CCN6: variants seen among roughly 807,000 people sequenced by gnomAD.
The protein encoded by CCN6 is CCN family member 6.
CCN6 carries 31 observed loss-of-function variants against 37.4 expected under a neutral mutation model. The ratio of observed to expected loss-of-function variants is 0.83; its 90% CI spans 0.62 to 1.12. CCN6 has a LOEUF of 1.12. Ranked by LOEUF, CCN6 falls within the 50% of genes most tolerant of loss-of-function variation. The pLI is 0.00. For synonymous variants in CCN6, 137 were observed against 142.1 expected (o/e 0.96, Z 0.26); for missense variants, 369 against 413.8 (o/e 0.89, Z 0.94).
chr6:112,068,350 A>G lies in CCN6; in HGVS notation c.735A>G (p.Arg245=), dbSNP rs1776762460. Residue 245 remains arginine, a synonymous_variant, in exon 4 of 5, where the codon AGA becomes AGG. Transcript: ENST00000368666. ...ACTGTGAAATGAGAAAAGAGAAAAG[A>G]CTGTGTTACATTCAGCCTTGCGACA... ...NSNCEMRKEK[R]LCYIQPCDSN... 1 of 1,613,132 alleles carries G rather than the reference A, an allele frequency of 6.2e-7. No individual in the cohort carries two copies. Among genetic ancestry groups the G allele is most frequent in the African/African-American group, 1.3e-5 (1 of 74,890 alleles).
In CCN6 at chr6:112,069,330, T is replaced by C. The variant is rs782261016; in HGVS notation, c.784-9T>C. ...TTAAAGAATGACTTCATTTTATCTA[T>C]CTTTTCAGATTCCCAAAGGAAAAAC... On this transcript the variant is annotated splice_polypyrimidine_tract_variant and intron_variant, in intron 4 of 4. Coordinates refer to ENST00000368666, the MANE Select transcript of CCN6 (RefSeq NM_198239.2). The C allele has an allele frequency of 3.7e-6, 6 of 1,612,254 alleles. No homozygotes were observed. The Middle Eastern group carries it at 5.0e-4, about 133-fold the overall frequency.
chr6:112,061,244 A>T lies in CCN6; in HGVS notation c.302A>T (p.Asp101Val). ...GACCCACACAAAGGGCTGTATTGTG[A>T]CTACTCAGTAGACAGGCCTAGGTAC... ...LCDPHKGLYC[D>V]YSVDRPRYET... is the part of the protein sequence containing the mutation. The change falls in exon 2 of 5, where the codon GAC (aspartate) becomes GTC (valine). Residue 101 changes from aspartate to valine, a missense_variant. By Grantham distance (152) the Asp-to-Val change is radical. Coordinates refer to ENST00000368666, the MANE Select transcript of CCN6 (RefSeq NM_198239.2). 2.5e-6 allele frequency: 4 copies of T among 1,614,214 alleles called. No homozygotes were observed. The highest frequency in any genetic ancestry group is 3.4e-6 in the Non-Finnish European group (4 of 1,180,046).
At chr6:112,054,798 C>A in intron 1 of CCN6, 1 of 217,256 alleles carries the variant, frequency 4.6e-6, no homozygotes, top group East Asian at 1.1e-4. Context: ...GCAAAGAGCC[C>A]CTGGAAAAAC....
rs3806964 is a variant in CCN6, at chr6:112,054,104, A to G, written c.-254A>G. On this transcript the variant is annotated 5_prime_UTR_variant, in exon 1 of 5. Coordinates refer to ENST00000368666, the MANE Select transcript of CCN6 (RefSeq NM_198239.2). ...AGTCCCGGGAGGAAAGTGCTCGCCC[A>G]TTCCTGACCTGTGACACGCTCACTG... The G allele has an allele frequency of 0.25, 161,970 of 648,812 alleles. 21,179 individuals are homozygous for G. The highest frequency in any genetic ancestry group is 0.31 in the East Asian group (11,009 of 35,872). The allele number at this position is 648,812 out of a possible 1,614,324, so 40.2% of individuals were successfully genotyped here.
In CCN6 at chr6:112,068,256, C is replaced by T; in HGVS notation, c.641C>T (p.Thr214Ile). ...IWKKKCLVQA[T>I]KWTPCSRTCG... ...AAAAAAAAATGTCTTGTGCAAGCAA[C>T]AAAATGGACTCCCTGCTCCAGAACA... Residue 214 changes from threonine to isoleucine, a missense_variant, in exon 4 of 5, where the codon ACA (threonine) becomes ATA (isoleucine). Coordinates refer to ENST00000368666, the MANE Select transcript of CCN6 (RefSeq NM_198239.2). The T allele has an allele frequency of 6.2e-7, 1 of 1,610,336 alleles. No homozygotes were observed. Among genetic ancestry groups the T allele is most frequent in the Non-Finnish European group, 8.5e-7 (1 of 1,178,882 alleles).
intron 3 of CCN6, among the ~76,000 whole-genome samples, chr6:112,067,420 T>C (rs587749570): frequency 9.2e-5 from 14 of 152,252 alleles, no homozygotes; most frequent in African/African-American, 3.4e-4. Flanking sequence ...GGAGCATTAT[T>C]AGACCCTCTT....
intron 3 of CCN6, among the ~76,000 whole-genome samples, chr6:112,066,381 A>G (rs1349806797): frequency 6.6e-6 from 1 of 152,154 alleles, no homozygotes. Flanking sequence ...ACCTTAGAGC[A>G]GTTTTCCACA....
At chr6:112,064,036 A>G (rs1554313375) in intron 2 of CCN6, among the ~76,000 whole-genome samples, 1 of 152,178 alleles carries the variant, frequency 6.6e-6, no homozygotes, top group South Asian at 2.1e-4. Flanking sequence ...TTTAAAGTAT[A>G]AGTACCTGGC....
chr6:112,052,913 C>G (rs1776250399), upstream of CCN6, among the ~76,000 whole-genome samples: 1 of 152,188 alleles, frequency 6.6e-6, no homozygotes, highest in Non-Finnish European at 1.5e-5. Context: ...TGGAGGACAG[C>G]CTCGTTTTTC....
In CCN6 at chr6:112,054,263, G is replaced by A; in HGVS notation, c.-95G>A. On this transcript the variant is annotated 5_prime_UTR_variant, in exon 1 of 5. Coordinates refer to ENST00000368666, the MANE Select transcript of CCN6 (RefSeq NM_198239.2). ...TGTGTTCTTGTGCAGAGGAGCGTGG[G>A]GTTTGCAGAGGAGACAGGGGAGCTT... The A allele has an allele frequency of 6.4e-7, 1 of 1,559,662 alleles. No individual in the cohort carries two copies. The highest frequency in any genetic ancestry group is 1.1e-5 in the South Asian group (1 of 90,002).
chr6:112,058,496 G>T (rs1562593938), intron 1 of CCN6, among the ~76,000 whole-genome samples: 1 of 152,234 alleles, frequency 6.6e-6, no homozygotes, highest in Non-Finnish European at 1.5e-5. Flanking sequence ...AGCACCTGAG[G>T]TTGGGTGGCT....
At chr6:112,064,426 G>T (rs1776617296) in intron 2 of CCN6, among the ~76,000 whole-genome samples, 2 of 152,130 alleles carry the variant, frequency 1.3e-5, no homozygotes, top group Non-Finnish European at 2.9e-5. Context: ...GCCTATTGTT[G>T]GATGTCTGAG....
intron 3 of CCN6, among the ~76,000 whole-genome samples, chr6:112,066,321 A>G (rs375387486): frequency 3.3e-5 from 5 of 151,778 alleles, no homozygotes; most frequent in East Asian, 1.9e-4. Flanking sequence ...GATTTTAGTC[A>G]TTCAGTATAA....
chr6:112,067,332 A>G (rs371274718), intron 3 of CCN6, among the ~76,000 whole-genome samples: 72 of 152,284 alleles, frequency 4.7e-4, no homozygotes, highest in African/African-American at 1.6e-3. Context: ...CAGTAAGTCA[A>G]TATGTAGTTT....
Position 112,068,237 on chromosome 6 carries a change from A to T in CCN6, c.622A>T (p.Lys208Ter), listed in dbSNP as rs782311414. The change falls in exon 4 of 5, where the codon AAA (lysine) becomes TAA (stop). Residue 208 changes from lysine (K) to a stop codon, truncating the protein, a stop_gained. Transcript: ENST00000368666. LOFTEE classifies it high-confidence loss of function. ...AAATCTCCCACTTATTTGGAAAAAA[A>T]AATGTCTTGTGCAAGCAACAAAATG... Reference protein sequence around the residue: ...YRNLPLIWKKKCLVQATKWTP... With the variant: ...YRNLPLIWKK The T allele has an allele frequency of 1.3e-5, 21 of 1,611,406 alleles. No homozygotes were observed. The highest frequency in any genetic ancestry group is 1.6e-5 in the Non-Finnish European group (19 of 1,179,080).
chr6:112,068,203 A>G lies in CCN6; in HGVS notation c.590-2A>G. On this transcript the variant is annotated splice_acceptor_variant, in intron 3 of 4. Transcript: ENST00000368666. LOFTEE classifies it high-confidence loss of function. The stretch of plus-strand genomic sequence containing the variant: ...ATATGTACTTTTCTCCCTTTGTTTT[A>G]GCTTATAGAAATCTCCCACTTATTT... 2 of 1,608,640 alleles carry G rather than the reference A, an allele frequency of 1.2e-6. No homozygotes were observed. The highest frequency in any genetic ancestry group is 8.5e-7 in the Non-Finnish European group (1 of 1,177,870).
Position 112,065,612 on chromosome 6 carries a change from A to ACGCG in CCN6, c.589+616_589+617insGCGC, listed in dbSNP as rs1562597665. 7.5e-3 allele frequency among the ~76,000 whole-genome samples: 998 copies of ACGCG among 133,390 alleles called. 9 individuals carry two copies. Among genetic ancestry groups the ACGCG allele is most frequent in the African/African-American group, 0.027 (957 of 34,872 alleles). The allele number at this position is 133,390 out of a possible 152,430, so 87.5% of individuals were successfully genotyped here. A position where few individuals can be genotyped will look rare whatever the true frequency, so the allele number is the denominator to read the frequency against. ...CGCACACACACACAAACACACACGC[A>ACGCG]CACACACACGCACGCACACACACAC... On this transcript the variant is annotated intron_variant, in intron 3 of 4. Coordinates refer to ENST00000368666, the MANE Select transcript of CCN6 (RefSeq NM_198239.2).
At position 112,059,849 on chromosome 6, in the gene CCN6, G is replaced by A. The variant is rs117057249; in HGVS notation, c.49-1142G>A. On this transcript the variant is annotated intron_variant, in intron 1 of 4. Coordinates refer to ENST00000368666, the MANE Select transcript of CCN6 (RefSeq NM_198239.2). ...TGCTTTCAAGATGCTCACATTCTTGGTGCAGGTATCAGAAAGTAAACAACT... is the reference window on the plus strand; with the variant it reads ...TGCTTTCAAGATGCTCACATTCTTGATGCAGGTATCAGAAAGTAAACAACT... 8.9e-3 allele frequency among the ~76,000 whole-genome samples: 1,363 copies of A among 152,302 alleles called. 18 individuals are homozygous for A. The highest frequency in any genetic ancestry group is 0.045 in the Middle Eastern group (13 of 292).
At chr6:112,063,892 A>C (rs1776600357) in intron 2 of CCN6, among the ~76,000 whole-genome samples, 1 of 152,224 alleles carries the variant, frequency 6.6e-6, no homozygotes, top group Non-Finnish European at 1.5e-5. Flanking sequence ...TTGCACTAAA[A>C]TATTCTATGT....
Sources: gnomAD v4.1 joint callset for allele counts (sites outside exome capture counted in the v4.1 genomes callset) on GRCh38, gnomAD v4.1.1 for gene constraint, MANE v1.5 for transcripts, NCBI Gene and HGNC (gene_info 2026-07-23, HGNC 2026-07-21) for gene names.